Variants in SLAIN2 observed in about 807,000 individuals in gnomAD.
The protein encoded by SLAIN2 is SLAIN family member 2, also known as SLAIN motif-containing protein 2.
Under a neutral mutation model 56.6 loss-of-function variants are expected in SLAIN2, and 31 were observed. The observed-to-expected ratio is 0.55, with a 90% CI of 0.41 to 0.74. The LOEUF is 0.74. Ranked by LOEUF, SLAIN2 falls within the 30% of genes least tolerant of loss-of-function variation. The pLI, the probability that SLAIN2 is intolerant of heterozygous loss-of-function variation, is 0.00. For missense variants in SLAIN2, 777 were observed against 754.2 expected (o/e 1.03, Z -0.35); for synonymous variants, 317 against 284.9 (o/e 1.11, Z -1.13).
At chr4:48,420,829 C>G (rs1044671739) in intron 7 of SLAIN2, among the ~76,000 whole-genome samples, 25 of 152,176 alleles carry the variant, frequency 1.6e-4, no homozygotes, top group African/African-American at 5.5e-4. Context: ...GCTACCAAGT[C>G]TGAGTATAAT....
intron 1 of SLAIN2, among the ~76,000 whole-genome samples, chr4:48,363,641 G>A (rs1485180445): frequency 6.5e-5 from 6 of 91,830 alleles, no homozygotes; most frequent in African/African-American, 1.2e-4. Context: ...CCTCCCTCCC[G>A]GACGGGGCGG....
chr4:48,409,831 C>T (rs1255641164), intron 6 of SLAIN2, among the ~76,000 whole-genome samples: 2 of 152,124 alleles, frequency 1.3e-5, no homozygotes, highest in African/African-American at 4.8e-5. Context: ...TTGCAGTGAG[C>T]TGAGATCGTG....
intron 6 of SLAIN2, chr4:48,394,456 C>T: frequency 1.4e-6 from 1 of 724,858 alleles, no homozygotes; most frequent in Non-Finnish European, 2.2e-6. Flanking sequence ...ATATTTGCAC[C>T]TTATGGCTTC....
chr4:48,397,748 A>G (rs967811798), intron 6 of SLAIN2, among the ~76,000 whole-genome samples: 3 of 152,180 alleles, frequency 2.0e-5, no homozygotes, highest in Non-Finnish European at 2.9e-5. Flanking sequence ...TTGTGAGAAC[A>G]TGGGGTGTTT....
At chr4:48,399,550 A>C (rs2109775715) in intron 6 of SLAIN2, among the ~76,000 whole-genome samples, 1 of 152,196 alleles carries the variant, frequency 6.6e-6, no homozygotes, top group Non-Finnish European at 1.5e-5. Context: ...GTTGAATAGG[A>C]GTGGTGGGAG....
At chr4:48,406,962 A>C (rs1560464405) in intron 6 of SLAIN2, among the ~76,000 whole-genome samples, 1 of 152,054 alleles carries the variant, frequency 6.6e-6, no homozygotes, top group African/African-American at 2.4e-5. Context: ...ATTTACTAGA[A>C]TATGTCTTAG....
chr4:48,386,099 A>G (rs1211792001), intron 6 of SLAIN2, among the ~76,000 whole-genome samples: 1 of 151,610 alleles, frequency 6.6e-6, no homozygotes, highest in Non-Finnish European at 1.5e-5. Flanking sequence ...AGAAAAAAAA[A>G]AAAAAAAAAA....
At chr4:48,363,935 A>C (rs1305614474) in intron 1 of SLAIN2, among the ~76,000 whole-genome samples, 13 of 98,796 alleles carry the variant, frequency 1.3e-4, no homozygotes, top group East Asian at 3.0e-4. Context: ...TGACCCCCCC[A>C]CCTCCCTCCC....
At chr4:48,402,898 G>A (rs1348180590) in intron 6 of SLAIN2, among the ~76,000 whole-genome samples, 2 of 152,172 alleles carry the variant, frequency 1.3e-5, no homozygotes, top group Non-Finnish European at 2.9e-5. Flanking sequence ...TTTGAATGGG[G>A]CTTTTGTGCG....
chr4:48,417,869 C>G (rs1274126167), intron 6 of SLAIN2, among the ~76,000 whole-genome samples: 1 of 152,116 alleles, frequency 6.6e-6, no homozygotes, highest in Non-Finnish European at 1.5e-5. Context: ...TAAGAGCTAT[C>G]TATGGTGTGG....
In SLAIN2 at chr4:48,422,726, CAT is replaced by C. The variant is rs1717191758; in HGVS notation, c.*650_*651del. The C allele has an allele frequency of 2.0e-5, 3 of 152,422 alleles. No individual in the cohort carries two copies. Among genetic ancestry groups the C allele is most frequent in the Admixed American group, 1.3e-4 (2 of 15,296 alleles). The allele number at this position is 152,422 out of a possible 1,614,324, so 9.4% of individuals were successfully genotyped here. A position where few individuals can be genotyped will look rare whatever the true frequency, so the allele number is the denominator to read the frequency against. On this transcript the variant is annotated 3_prime_UTR_variant, in exon 8 of 8. Coordinates refer to ENST00000264313, the MANE Select transcript of SLAIN2 (RefSeq NM_020846.2). ...AATCTTAAGTTTTGGATGTAGCTCA[CAT>C]GTCACCACCACCAGATAGTGTTACA... is the stretch of plus-strand genomic sequence containing the variant.
chr4:48,344,349 C>G (rs1714805775), intron 1 of SLAIN2, among the ~76,000 whole-genome samples: 1 of 152,160 alleles, frequency 6.6e-6, no homozygotes. Context: ...TCTTAGCAAG[C>G]TAAGAATCTA....
chr4:48,378,172 A>G (rs1220786115), intron 3 of SLAIN2, 112 bp downstream of exon 3: 1 of 1,258,706 alleles, frequency 7.9e-7, no homozygotes, highest in Non-Finnish European at 1.1e-6. Context: ...GAAACTTTTA[A>G]CTGGTTAAAG....
intron 6 of SLAIN2, among the ~76,000 whole-genome samples, chr4:48,414,410 A>G (rs1716943625): frequency 6.6e-6 from 1 of 152,166 alleles, no homozygotes; most frequent in Non-Finnish European, 1.5e-5. Context: ...AATGCCTTAC[A>G]ATTTGTTTAA....
At chr4:48,359,490 C>G (rs7688310) in intron 1 of SLAIN2, among the ~76,000 whole-genome samples, 46,251 of 152,092 alleles carry the variant, frequency 0.3, 7,228 homozygotes, top group South Asian at 0.48. Flanking sequence ...ACCACAGATT[C>G]AGCAAAGTAA....
chr4:48,391,830 G>T (rs1054805333), intron 6 of SLAIN2, among the ~76,000 whole-genome samples: 12 of 152,198 alleles, frequency 7.9e-5, no homozygotes, highest in African/African-American at 2.9e-4. Flanking sequence ...GAGCTAGAAT[G>T]ACTTGGAAAA....
At chr4:48,363,726 G>A (rs1287491273) in intron 1 of SLAIN2, among the ~76,000 whole-genome samples, 14 of 112,630 alleles carry the variant, frequency 1.2e-4, no homozygotes, top group African/African-American at 9.1e-5. Flanking sequence ...CCCAGACGGG[G>A]CGGCTGGCCA....
intron 1 of SLAIN2, among the ~76,000 whole-genome samples, chr4:48,346,268 C>T (rs1714862077): frequency 6.6e-6 from 1 of 152,100 alleles, no homozygotes; most frequent in African/African-American, 2.4e-5. Flanking sequence ...CACCATATTT[C>T]CTTTTATCCA....
chr4:48,350,134 A>C (rs1253074697), intron 1 of SLAIN2, among the ~76,000 whole-genome samples: 3 of 152,242 alleles, frequency 2.0e-5, no homozygotes, highest in African/African-American at 7.2e-5. Context: ...CATGAAAAAC[A>C]CAACTTTGGT....
Sources: gnomAD v4.1 joint callset for allele counts (sites outside exome capture counted in the v4.1 genomes callset) on GRCh38, gnomAD v4.1.1 for gene constraint, MANE v1.5 for transcripts, NCBI Gene and HGNC (gene_info 2026-07-23, HGNC 2026-07-21) for gene names.